The following PRDM2 variants were observed in gnomAD, a reference collection of about 807,000 sequenced individuals.
PRDM2 encodes the protein PR/SET domain 2, also known as PR domain zinc finger protein 2.
A neutral mutation model predicts 130.0 loss-of-function variants in PRDM2; 30 were observed. That is an observed-to-expected ratio of 0.23 (90% CI 0.17 to 0.31). The LOEUF (loss-of-function observed/expected upper bound fraction) is 0.31. Ranked by LOEUF, PRDM2 falls within the 10% of genes least tolerant of loss-of-function variation. PRDM2 has a pLI of 1.00. For missense variants in PRDM2, 2,011 were observed against 2,108.4 expected (o/e 0.95, Z 0.90); for synonymous variants, 871 against 782.4 (o/e 1.11, Z -1.89).
At chr1:13,800,037 G>C (rs1316063325) in intron 8 of PRDM2, among the ~76,000 whole-genome samples, 3 of 152,208 alleles carry the variant, frequency 2.0e-5, no homozygotes, top group African/African-American at 7.2e-5. Context: ...GTGTGATTTA[G>C]TCCAGAAAGG....
At chr1:13,811,188 G>GA (rs917877040) in intron 8 of PRDM2, among the ~76,000 whole-genome samples, 7 of 150,476 alleles carry the variant, frequency 4.7e-5, no homozygotes, top group South Asian at 2.1e-4. Context: ...TGTCTCAAAA[G>GA]AAAAAAAAAG....
intron 8 of PRDM2, among the ~76,000 whole-genome samples, chr1:13,802,128 G>A (rs1557669370): frequency 6.6e-6 from 1 of 152,188 alleles, no homozygotes; most frequent in Non-Finnish European, 1.5e-5. Flanking sequence ...TTCAACCCCG[G>A]ACCCTGGGCA....
At chr1:13,773,034 T>TAA (rs35124546) in intron 6 of PRDM2, 44 bp from the exon 7 acceptor site, 13 of 1,048,518 alleles carry the variant, frequency 1.2e-5, no homozygotes, top group South Asian at 5.3e-5. Flanking sequence ...AATGAATAAA[T>TAA]AAAAAAAAAA....
chr1:13,752,779 G>T (rs1255858922), intron 6 of PRDM2, among the ~76,000 whole-genome samples: 1 of 152,124 alleles, frequency 6.6e-6, no homozygotes, highest in African/African-American at 2.4e-5. Flanking sequence ...GGGATGCCTG[G>T]GCGTTTACCA....
chr1:13,772,935 A>G (rs889073826), intron 6 of PRDM2, 143 bp from the exon 7 acceptor site: 4 of 509,628 alleles, frequency 7.8e-6, no homozygotes, highest in Admixed American at 4.0e-5. Flanking sequence ...TAGGAATCCA[A>G]AGTGGTAATT....
At chr1:13,823,104 G>T in intron 9 of PRDM2, 55 bp from the exon 10 acceptor site, 8 of 1,521,004 alleles carry the variant, frequency 5.3e-6, no homozygotes, top group Non-Finnish European at 7.2e-6. Flanking sequence ...GACCACCATG[G>T]TCGGCACTGA....
chr1:13,722,956 C>A (rs1642781884), intron 2 of PRDM2: 1 of 434,674 alleles, frequency 2.3e-6, no homozygotes, highest in Non-Finnish European at 4.6e-6. Flanking sequence ...CACTCTCCTG[C>A]CCAAACCCTC....
intron 2 of PRDM2, among the ~76,000 whole-genome samples, chr1:13,717,686 T>C (rs1402008643): frequency 6.6e-6 from 1 of 152,142 alleles, no homozygotes; most frequent in African/African-American, 2.4e-5. Context: ...TACTACTTTT[T>C]TTTTTTTTGG....
At chr1:13,734,723 T>A (rs116259432) in intron 4 of PRDM2, among the ~76,000 whole-genome samples, 1 of 152,278 alleles carries the variant, frequency 6.6e-6, no homozygotes, top group African/African-American at 2.4e-5. Context: ...TCCTAGTTCT[T>A]ATCAAGGGTG....
chr1:13,757,661 T>C (rs1643989954), intron 6 of PRDM2, among the ~76,000 whole-genome samples: 1 of 152,246 alleles, frequency 6.6e-6, no homozygotes, highest in South Asian at 2.1e-4. Flanking sequence ...AGTGCAATTC[T>C]GATTTGTTTG....
chr1:13,760,569 C>T (rs1482920213), intron 6 of PRDM2, among the ~76,000 whole-genome samples: 1 of 152,126 alleles, frequency 6.6e-6, no homozygotes, highest in African/African-American at 2.4e-5. Flanking sequence ...TGTGATACAC[C>T]AGAACATAGC....
intron 2 of PRDM2, among the ~76,000 whole-genome samples, chr1:13,728,517 G>A (rs1353511406): frequency 1.3e-5 from 2 of 152,210 alleles, no homozygotes; most frequent in Non-Finnish European, 2.9e-5. Context: ...AGAAGGGAGG[G>A]AGGGCCCTGG....
chr1:13,772,347 C>A (rs1644378417), intron 6 of PRDM2: 1 of 152,168 alleles, frequency 6.6e-6, no homozygotes. Flanking sequence ...TCCGTTGTTC[C>A]AACTTATGAG....
At chr1:13,775,333 T>C (rs1274206514) in intron 7 of PRDM2, among the ~76,000 whole-genome samples, 1 of 152,272 alleles carries the variant, frequency 6.6e-6, no homozygotes, top group Admixed American at 6.5e-5. Flanking sequence ...AAATAAAGTC[T>C]GTTAGGAAAT....
Position 13,780,129 on chromosome 1 carries a change from C to A in PRDM2, c.2334C>A (p.His778Gln). The A allele has an allele frequency of 6.2e-7, 1 of 1,611,226 alleles. No individual in the cohort carries two copies. The highest frequency in any genetic ancestry group is 1.1e-5 in the South Asian group (1 of 90,804). Reference protein sequence around the residue: ...LTSKKSKLESHSDSPAWSLSG... With the variant: ...LTSKKSKLESQSDSPAWSLSG... ...CCAAAAAATCCAAATTAGAAAGTCACAGCGACTCACCAGCATGGAGTTTGT... is the reference window on the plus strand; with the variant it reads ...CCAAAAAATCCAAATTAGAAAGTCAAAGCGACTCACCAGCATGGAGTTTGT... The change falls in exon 8 of 10, where the codon CAC becomes CAA. Residue 778 changes from histidine (H) to glutamine (Q), a missense_variant. By Grantham distance (24) the His-to-Gln change is conservative. Coordinates refer to ENST00000311066, the MANE Select transcript of PRDM2 (RefSeq NM_001393986.1).
At position 13,779,923 on chromosome 1, in the gene PRDM2, G is replaced by A. The variant is rs745970936; in HGVS notation, c.2128G>A (p.Glu710Lys). The change falls in exon 8 of 10, where the codon GAA becomes AAA. Residue 710 changes from glutamate to lysine, a missense_variant. Glu to Lys is a moderately conservative substitution (Grantham distance 56). This residue lies in a region of PRDM2 where 1,288 missense variants were observed against 1,237.7 expected (regional missense o/e 1.04). Transcript: ENST00000311066. This position sits in a 1 kb window ranked among gnomAD's most constrained non-coding sequence, Gnocchi z 4.9. Reference sequence around the variant, plus strand: ...AACTCCTGCAGGGATTTCAGCAACTGAAATAGCTAAATTAGGTCCTGTTTG... The same window carrying A: ...AACTCCTGCAGGGATTTCAGCAACTAAAATAGCTAAATTAGGTCCTGTTTG... ...KLTPAGISATEIAKLGPVCVS... is the reference protein window; with the variant it reads ...KLTPAGISATKIAKLGPVCVS... 1.4e-5 allele frequency: 22 copies of A among 1,614,006 alleles called. No homozygotes were observed. The highest frequency in any genetic ancestry group is 1.4e-5 in the Non-Finnish European group (16 of 1,180,030).
At chr1:13,804,615 T>C (rs1395520009) in intron 8 of PRDM2, among the ~76,000 whole-genome samples, 1 of 152,128 alleles carries the variant, frequency 6.6e-6, no homozygotes, top group African/African-American at 2.4e-5. Context: ...ATGCCGCTGG[T>C]CTGGGGACCA....
In PRDM2 at chr1:13,803,862, C is replaced by A. The variant is rs1486554553; in HGVS notation, c.5037-12565C>A. Among the ~76,000 whole-genome samples the A allele has an allele frequency of 6.6e-6, 1 of 152,116 alleles. No individual in the cohort carries two copies. The highest frequency in any genetic ancestry group is 1.5e-5 in the Non-Finnish European group (1 of 68,036). On this transcript the variant is annotated intron_variant, in intron 8 of 9. Transcript: ENST00000311066. The surrounding 1 kb of genome is among the most constrained non-coding windows in gnomAD (Gnocchi z 6.2). ...TTCATGGCCTCTGAGGACCTCAGAA[C>A]CTGGCTTAGAAGCTCCACAAAGCAG...
chr1:13,786,609 T>C, intron 8 of PRDM2: 1 of 1,588,308 alleles, frequency 6.3e-7, no homozygotes, highest in Non-Finnish European at 8.5e-7. Context: ...CGGCAAAGGA[T>C]ACGAAATCTA....
Sources: gnomAD v4.1 joint callset for allele counts (sites outside exome capture counted in the v4.1 genomes callset) on GRCh38, gnomAD v4.1.1 for gene constraint, gnomAD v4.1.1 regional missense constraint, Gnocchi (gnomAD v3.1) non-coding constraint, MANE v1.5 for transcripts, NCBI Gene and HGNC (gene_info 2026-07-23, HGNC 2026-07-21) for gene names.